LRP5: variants seen among roughly 807,000 people sequenced by gnomAD.
LRP5 encodes low-density lipoprotein receptor-related protein 5.
In LRP5, 62 loss-of-function variants were observed where a neutral mutation model predicts 154.1. The ratio of observed to expected loss-of-function variants is 0.40; its 90% CI spans 0.33 to 0.50. LRP5 has a LOEUF of 0.50. Among genes scored for constraint, LRP5 ranks in the 20% least tolerant of loss-of-function variants. LRP5 has a pLI of 0.55. For synonymous variants in LRP5, 966 were observed against 1,011.5 expected (o/e 0.96, Z 0.85); for missense variants, 1,915 against 2,336.7 (o/e 0.82, Z 3.72).
At chr11:68,315,415 GTAGTTAGT>G (rs1053733514) in intron 1 of LRP5, among the ~76,000 whole-genome samples, 2 of 152,280 alleles carry the variant, frequency 1.3e-5, no homozygotes, top group Non-Finnish European at 2.9e-5. Context: ...GGGGGCAGGA[GTAGTTAGT>G]TAGCACTGTG....
At chr11:68,411,672 TTG>T (rs2098659655) in intron 11 of LRP5, 52 bp downstream of exon 11, 1 of 1,554,364 alleles carries the variant, frequency 6.4e-7, no homozygotes, top group African/African-American at 1.3e-5. Context: ...CAGCCGGGCG[TTG>T]GCCACCTCCC....
At chr11:68,324,244 A>G (rs1481171670) in intron 1 of LRP5, among the ~76,000 whole-genome samples, 1 of 152,248 alleles carries the variant, frequency 6.6e-6, no homozygotes, top group Non-Finnish European at 1.5e-5. Context: ...ACAGCAGGCC[A>G]TGGCTCTGGT....
rs1555071026 is a variant in LRP5, at chr11:68,341,059, C to CCTTTTTTTTTTTTTTTTTTTTTTTTTT, written c.92-6788_92-6787insCTTTTTTTTTTTTTTTTTTTTTTTTTT. Among the ~76,000 whole-genome samples, 44 of 83,474 alleles carry CCTTTTTTTTTTTTTTTTTTTTTTTTTT rather than the reference C, an allele frequency of 5.3e-4. 1 individual carries two copies. Among genetic ancestry groups the CCTTTTTTTTTTTTTTTTTTTTTTTTTT allele is most frequent in the African/African-American group, 9.0e-4 (19 of 21,018 alleles). 54.8% of individuals were successfully genotyped at this position (83,474 alleles called of 152,430 possible). ...GTTACCCCTGCCGCTGGAGATTGTT[C>CCTTTTTTTTTTTTTTTTTTTTTTTTTT]TTTTTTTTTTTTTTTTTTTGCTATT... On this transcript the variant is annotated intron_variant, in intron 1 of 22. Transcript: ENST00000294304.
chr11:68,421,300 C>T (rs755834613), intron 13 of LRP5, among the ~76,000 whole-genome samples: 5 of 152,112 alleles, frequency 3.3e-5, no homozygotes, highest in South Asian at 2.1e-4. Flanking sequence ...ACTGGCCAGC[C>T]GCGTAAAGTT....
At chr11:68,382,548 G>T (rs1242294079) in intron 5 of LRP5, among the ~76,000 whole-genome samples, 1 of 152,202 alleles carries the variant, frequency 6.6e-6, no homozygotes, top group Non-Finnish European at 1.5e-5. Flanking sequence ...GACCCCAAGG[G>T]CGTCCTGAGG....
chr11:68,308,341 G>A (rs1270091853), upstream of LRP5, among the ~76,000 whole-genome samples: 1 of 152,224 alleles, frequency 6.6e-6, no homozygotes, highest in Non-Finnish European at 1.5e-5. Context: ...TTGCCCAAGT[G>A]TCACCGGGCT....
chr11:68,300,382 C>T, the LRP5 span, among the ~76,000 whole-genome samples: 1 of 149,230 alleles, frequency 6.7e-6, no homozygotes, highest in African/African-American at 2.4e-5. Context: ...GCAGGGCCAT[C>T]CCTGTTCTGG....
At chr11:68,341,059 C>CTTTGTTTTTTTTTTTTTT (rs2098608755) in intron 1 of LRP5, among the ~76,000 whole-genome samples, 1 of 83,496 alleles carries the variant, frequency 1.2e-5, no homozygotes, top group Non-Finnish European at 2.4e-5. Context: ...GGAGATTGTT[C>CTTTGTTTTTTTTTTTTTT]TTTTTTTTTT....
At chr11:68,410,284 G>A in intron 10 of LRP5, 144 bp downstream of exon 10, 1 of 737,810 alleles carries the variant, frequency 1.4e-6, no homozygotes, top group Non-Finnish European at 2.4e-6. Flanking sequence ...ATGGTGGCCA[G>A]GACTGGTAGG....
At chr11:68,417,446 T>A (rs921903063) in intron 13 of LRP5, among the ~76,000 whole-genome samples, 1 of 128,398 alleles carries the variant, frequency 7.8e-6, no homozygotes, top group African/African-American at 2.8e-5. Context: ...TGGAACAGAT[T>A]GGCTTTTTTT....
In LRP5 at chr11:68,412,522, G is replaced by A. The variant is rs534802180; in HGVS notation, c.2503+902G>A. Reference sequence around the variant, plus strand: ...TAGCTGGGCATGGTGGTTCATGCCTGTAGTCCAAGCTACTTGGGAGGCTCA... The same window carrying A: ...TAGCTGGGCATGGTGGTTCATGCCTATAGTCCAAGCTACTTGGGAGGCTCA... On this transcript the variant is annotated intron_variant, in intron 11 of 22. Transcript: ENST00000294304. Among the ~76,000 whole-genome samples the A allele has an allele frequency of 2.0e-4, 30 of 152,144 alleles. No homozygotes were observed. In the East Asian group the frequency reaches 2.1e-3, roughly 11 times the overall value.
intron 2 of LRP5, 65 bp downstream of exon 2, chr11:68,348,308 T>C: frequency 6.3e-7 from 1 of 1,587,782 alleles, no homozygotes; most frequent in South Asian, 1.1e-5. Context: ...CTCTCTCGAA[T>C]TTGCATGAGC....
chr11:68,438,448 A>G lies in LRP5; in HGVS notation c.4114A>G (p.Ile1372Val). Residue 1372 changes from isoleucine (I) to valine (V), a missense_variant and splice_region_variant, in exon 20 of 23, where the codon ATC (isoleucine) becomes GTC (valine). By Grantham distance (29) the Ile-to-Val change is conservative (BLOSUM62 3). This residue lies in a region of LRP5 where 1,094 missense variants were observed against 1,210.1 expected (regional missense o/e 0.90). Transcript: ENST00000294304. ...IDGSDELMCEITKPPSDDSPA... is the reference protein window; with the variant it reads ...IDGSDELMCEVTKPPSDDSPA... ...CTCTTTCTGTTTGTCTCTGGCAGAA[A>G]TCACCAAGCCGCCCTCAGACGACAG... The G allele has an allele frequency of 6.2e-7, 1 of 1,614,034 alleles. No individual in the cohort carries two copies. Among genetic ancestry groups the G allele is most frequent in the Non-Finnish European group, 8.5e-7 (1 of 1,179,976 alleles).
At chr11:68,437,931 G>A (rs543168357) in intron 19 of LRP5, among the ~76,000 whole-genome samples, 3 of 152,222 alleles carry the variant, frequency 2.0e-5, no homozygotes, top group Non-Finnish European at 4.4e-5. Context: ...TCGCTGGGCC[G>A]GCCCTGTGGG....
chr11:68,404,359 A>G, intron 8 of LRP5: 1 of 525,958 alleles, frequency 1.9e-6, no homozygotes, highest in South Asian at 1.5e-5. Flanking sequence ...ATCTTTGCTG[A>G]TGAAGGATGA....
intron 1 of LRP5, among the ~76,000 whole-genome samples, chr11:68,321,058 GTTTTTTTTTTTT>G (rs36049256): frequency 8.3e-6 from 1 of 119,796 alleles, no homozygotes; most frequent in Non-Finnish European, 1.7e-5. Flanking sequence ...TTCTGTCTGG[GTTTTTTTTTTTT>G]TTTTTTTTTT....
At chr11:68,432,472 T>A (rs1237562141) in intron 17 of LRP5, among the ~76,000 whole-genome samples, 1 of 152,186 alleles carries the variant, frequency 6.6e-6, no homozygotes, top group Non-Finnish European at 1.5e-5. Context: ...TCGTCTTTGA[T>A]CAGGCCCCCT....
In LRP5 at chr11:68,404,449, G is replaced by A. The variant is rs747921129; in HGVS notation, c.1801+750G>A. ...GCCCGGGTTGACTCTGCTGCCCGTCGGGTGGATGTGATGTCAGATCCCCGG... is the reference window on the plus strand; with the variant it reads ...GCCCGGGTTGACTCTGCTGCCCGTCAGGTGGATGTGATGTCAGATCCCCGG... On this transcript the variant is annotated intron_variant, in intron 8 of 22. Transcript: ENST00000294304. 69 of 497,340 alleles carry A rather than the reference G, an allele frequency of 1.4e-4. 1 individual carries two copies. The highest frequency in any genetic ancestry group is 2.8e-4 in the Admixed American group (12 of 43,580). 30.8% of individuals were successfully genotyped at this position (497,340 alleles called of 1,614,324 possible). A position where few individuals can be genotyped will look rare whatever the true frequency, so the allele number is the denominator to read the frequency against.
intron 7 of LRP5, among the ~76,000 whole-genome samples, chr11:68,397,972 TTGTGTGTGTGTGTGTGTGTGTGTGTGTG>T (rs113280059): frequency 7.0e-6 from 1 of 142,092 alleles, no homozygotes; most frequent in African/African-American, 2.6e-5. Context: ...CTGTGTGTGT[TTGTGTGTGTGTGTGTGTGTGTGTGTGTG>T]TGTGTGTGTT....
Sources: allele counts gnomAD v4.1 joint callset (sites outside exome capture counted in the v4.1 genomes callset), GRCh38; gene constraint gnomAD v4.1.1; regional missense constraint gnomAD v4.1.1; transcripts MANE v1.5; gene names NCBI Gene and HGNC (gene_info 2026-07-23, HGNC 2026-07-21).